The following MYO7A variants were observed in gnomAD, a reference collection of about 807,000 sequenced individuals.
MYO7A encodes myosin VIIA, also known as unconventional myosin-VIIa.
MYO7A carries 210 observed loss-of-function variants against 263.8 expected under a neutral mutation model. The ratio of observed to expected loss-of-function variants is 0.80; its 90% CI spans 0.71 to 0.89. The LOEUF is 0.89. Among genes scored for constraint, MYO7A ranks in the 40% least tolerant of loss-of-function variants. MYO7A has a pLI of 0.00. For missense variants in MYO7A, 2,820 were observed against 2,968.3 expected, an observed-to-expected ratio of 0.95 and a Z score of 1.16; for synonymous variants, 1,239 against 1,197.3, an observed-to-expected ratio of 1.03 and a Z score of -0.72.
chr11:77,173,903 C>T (rs1465214072), intron 16 of MYO7A, among the ~76,000 whole-genome samples: 4 of 152,042 alleles, frequency 2.6e-5, no homozygotes, highest in African/African-American at 9.7e-5. Flanking sequence ...GACACCAGGG[C>T]AGTCGGGCAC....
At chr11:77,151,547 C>A (rs1379080591) in intron 4 of MYO7A, among the ~76,000 whole-genome samples, 3 of 152,156 alleles carry the variant, frequency 2.0e-5, no homozygotes, top group Admixed American at 2.0e-4. Flanking sequence ...GAGAGGCCCC[C>A]TGAGCTCCGC....
At chr11:77,147,688 C>G in intron 3 of MYO7A, 110 bp from the exon 4 acceptor site, 1 of 1,419,678 alleles carries the variant, frequency 7.0e-7, no homozygotes, top group Non-Finnish European at 9.6e-7. Context: ...GAGGTCGAGG[C>G]CCTTACCCGG....
chr11:77,160,056 G>A, intron 10 of MYO7A, 107 bp from the exon 11 acceptor site: 1 of 1,455,110 alleles, frequency 6.9e-7, no homozygotes, highest in Non-Finnish European at 9.1e-7. Context: ...GTGCTTAGTG[G>A]AGGCAGTGGT....
rs1263043699 is a variant in MYO7A, at chr11:77,205,514, C to T, written c.5533C>T (p.Pro1845Ser). Residue 1845 changes from proline (P) to serine (S), a missense_variant, in exon 40 of 49, where the codon CCA becomes TCA. Physicochemically the swap from Pro to Ser is moderately conservative, Grantham distance 74 (BLOSUM62 -1). Transcript: ENST00000409709. Reference sequence around the variant, plus strand: ...GCTCTGGCTGTGCACGGGCCTTTTCCCACCCAGCAACATCCTCCTGCCCCA... The same window carrying T: ...GCTCTGGCTGTGCACGGGCCTTTTCTCACCCAGCAACATCCTCCTGCCCCA... ...ELLWLCTGLF[P>S]PSNILLPHVQ... 1 of 1,602,374 alleles carries T rather than the reference C, an allele frequency of 6.2e-7. No individual in the cohort carries two copies. The highest frequency in any genetic ancestry group is 8.5e-7 in the Non-Finnish European group (1 of 1,175,182).
At chr11:77,156,213 A>G in intron 5 of MYO7A, 122 bp downstream of exon 5, 2 of 1,076,280 alleles carry the variant, frequency 1.9e-6, no homozygotes, top group South Asian at 1.5e-5. Flanking sequence ...CTCTTCAGGA[A>G]CCAGACCTAT....
chr11:77,202,191 A>G, intron 36 of MYO7A, 109 bp from the exon 37 acceptor site: 1 of 1,367,212 alleles, frequency 7.3e-7, no homozygotes, highest in African/African-American at 1.5e-5. Context: ...CATGGGGTCC[A>G]TACCCCTGAA....
At chr11:77,208,838 C>A (rs968103168) in intron 44 of MYO7A, 35 bp downstream of exon 44, 3 of 1,457,118 alleles carry the variant, frequency 2.1e-6, no homozygotes, top group African/African-American at 2.8e-5. Flanking sequence ...CCTTCGTGCA[C>A]AGCTAGCGTT....
intron 2 of MYO7A, among the ~76,000 whole-genome samples, chr11:77,136,298 CTCTCTG>C (rs1182354421): frequency 1.3e-5 from 2 of 152,198 alleles, no homozygotes; most frequent in African/African-American, 4.8e-5. Context: ...AATGAGTCAC[CTCTCTG>C]TTGCTGCTTT....
chr11:77,180,391 G>A lies in MYO7A; in HGVS notation c.2604G>A (p.Glu868=). The part of the protein sequence containing the change: ...RLRAEYLWRL[E]AEKMRLAEEE... ...TCCCTCAGTATCTGTGGCGCCTCGA[G>A]GCTGAGAAAATGCGGCTGGCGGAGG... The change falls in exon 22 of 49, where the codon GAG becomes GAA. Residue 868 remains glutamate (E), a synonymous_variant. Transcript: ENST00000409709. 6.2e-7 allele frequency: 1 copy of A among 1,612,770 alleles called. No individual in the cohort carries two copies. Among genetic ancestry groups the A allele is most frequent in the East Asian group, 2.2e-5 (1 of 44,874 alleles).
At chr11:77,211,391 A>AC in intron 45 of MYO7A, 54 bp downstream of exon 45, 1 of 1,514,978 alleles carries the variant, frequency 6.6e-7, no homozygotes. Context: ...GCCTCGGGGC[A>AC]CCCCAGGGGC....
At chr11:77,210,972 T>C in intron 44 of MYO7A, 180 bp from the exon 45 acceptor site, 1 of 597,544 alleles carries the variant, frequency 1.7e-6, no homozygotes, top group Non-Finnish European at 2.9e-6. Context: ...GCAGACTTGC[T>C]CTGTCCCTGT....
chr11:77,170,779 T>G (rs1044726287), intron 15 of MYO7A, among the ~76,000 whole-genome samples: 3 of 151,914 alleles, frequency 2.0e-5, no homozygotes, highest in Non-Finnish European at 4.4e-5. Flanking sequence ...GCTGCAGGAA[T>G]TTGAGAGCAA....
chr11:77,149,134 G>C (rs888540485), intron 4 of MYO7A, among the ~76,000 whole-genome samples: 1 of 152,162 alleles, frequency 6.6e-6, no homozygotes, highest in Admixed American at 6.5e-5. Context: ...GAGCTGTGCC[G>C]TGCCCGGGTC....
At chr11:77,174,266 C>A (rs948764585) in intron 16 of MYO7A, among the ~76,000 whole-genome samples, 1 of 152,112 alleles carries the variant, frequency 6.6e-6, no homozygotes, top group African/African-American at 2.4e-5. Context: ...TCTGAATAAC[C>A]GCAGATCTAC....
intron 15 of MYO7A, among the ~76,000 whole-genome samples, chr11:77,169,946 C>T (rs1366131387): frequency 1.3e-5 from 2 of 152,122 alleles, no homozygotes; most frequent in African/African-American, 4.8e-5. Flanking sequence ...CACAGTGGTA[C>T]ACACCTGTAG....
At position 77,194,510 on chromosome 11, in the gene MYO7A, G is replaced by T; in HGVS notation, c.4309G>T (p.Ala1437Ser). 1 of 1,600,788 alleles carries T rather than the reference G, an allele frequency of 6.2e-7. No homozygotes were observed. Among genetic ancestry groups the T allele is most frequent in the Non-Finnish European group, 8.5e-7 (1 of 1,174,104 alleles). Residue 1437 changes from alanine to serine, a missense_variant, in exon 32 of 49, where the codon GCC becomes TCC. Physicochemically the swap from Ala to Ser is moderately conservative, Grantham distance 99. Transcript: ENST00000409709. The part of the protein sequence containing the change: ...TLEKWAQLAI[A>S]AHKKGIYAQR... The stretch of plus-strand genomic sequence containing the variant: ...GGAGAAGTGGGCCCAGCTGGCCATC[G>T]CCGCCCACAAGAAGGTAGAAGGGCT...
intron 40 of MYO7A, among the ~76,000 whole-genome samples, 179 bp downstream of exon 40, chr11:77,205,796 A>G (rs752976991): frequency 6.6e-6 from 1 of 152,058 alleles, no homozygotes; most frequent in Non-Finnish European, 1.5e-5. Context: ...GCAGCTGGAG[A>G]GTCCGGCTGC....
In MYO7A at chr11:77,179,793, A is replaced by T. The variant is rs527255078; in HGVS notation, c.2426A>T (p.Gln809Leu). The change falls in exon 21 of 49, where the codon CAG becomes CTG. Residue 809 changes from glutamine (Q) to leucine (L), a missense_variant. Physicochemically the swap from Gln to Leu is moderately radical, Grantham distance 113. Coordinates refer to ENST00000409709, the MANE Select transcript of MYO7A (RefSeq NM_000260.4). The part of the protein sequence containing the change: ...ALHRSRKLHQ[Q>L]YRLARQRIIQ... ...CACCGCTCCCGGAAGCTGCACCAGCAGTACCGCCTGGCCCGCCAGCGCATC... is the reference window on the plus strand; with the variant it reads ...CACCGCTCCCGGAAGCTGCACCAGCTGTACCGCCTGGCCCGCCAGCGCATC... 4.5e-5 allele frequency: 70 copies of T among 1,550,554 alleles called. No homozygotes were observed. The highest frequency in any genetic ancestry group is 6.1e-6 in the Non-Finnish European group (7 of 1,149,666).
At position 77,156,772 on chromosome 11, in the gene MYO7A, A is replaced by G. The variant is rs2135236743; in HGVS notation, c.583A>G (p.Ile195Val). ...GCAGCAGGTCTTGGAGGCCACCCCC[A>G]TTCTGGAAGGTAGGACCAGAGTTCC... ...IEQQVLEATPILEAFGNAKTI... is the reference protein window; with the variant it reads ...IEQQVLEATPVLEAFGNAKTI... Residue 195 changes from isoleucine (I) to valine (V), a missense_variant, in exon 6 of 49, where the codon ATT becomes GTT. Transcript: ENST00000409709. 1.9e-6 allele frequency: 3 copies of G among 1,613,986 alleles called. No homozygotes were observed. Among genetic ancestry groups the G allele is most frequent in the Non-Finnish European group, 2.5e-6 (3 of 1,179,878 alleles).
Sources: allele counts gnomAD v4.1 joint callset (sites outside exome capture counted in the v4.1 genomes callset), GRCh38; gene constraint gnomAD v4.1.1; transcripts MANE v1.5; gene names NCBI Gene and HGNC (gene_info 2026-07-23, HGNC 2026-07-21).